PHIP: variants seen among roughly 807,000 people sequenced by gnomAD.
The protein encoded by PHIP is PHIP subunit of CUL4-Ring ligase complex.
A neutral mutation model predicts 236.8 loss-of-function variants in PHIP; 54 were observed. That is an observed-to-expected ratio of 0.23 (90% CI 0.18 to 0.29). PHIP has a LOEUF of 0.29. Among genes scored for constraint, PHIP ranks in the 10% least tolerant of loss-of-function variants. The probability of loss-of-function intolerance (pLI) is 1.00; values close to 1 mark genes in which losing one functional copy is unlikely to be tolerated. For synonymous variants in PHIP, 756 were observed against 718.9 expected (o/e 1.05, Z -0.83); for missense variants, 1,370 against 2,190.8 (o/e 0.63, Z 7.48).
chr6:78,953,042 G>GTT (rs893706696), intron 35 of PHIP, among the ~76,000 whole-genome samples: 1 of 143,874 alleles, frequency 7.0e-6, no homozygotes, highest in Admixed American at 6.9e-5. Context: ...TATAGGTGTT[G>GTT]TTTTTTTTTT....
chr6:79,070,142 A>T (rs1773811315), intron 4 of PHIP, among the ~76,000 whole-genome samples: 1 of 152,222 alleles, frequency 6.6e-6, no homozygotes. Flanking sequence ...CAACAAAATG[A>T]CAACATTTAA....
Position 79,001,940 on chromosome 6 carries a change from C to G in PHIP, c.1838G>C (p.Arg613Thr). The change falls in exon 17 of 40, where the codon AGG becomes ACG. Residue 613 changes from arginine (R) to threonine (T), a missense_variant. Arg to Thr is a moderately conservative substitution (Grantham distance 71). This residue lies in a region of PHIP where 133 missense variants were observed against 245.2 expected (regional missense o/e 0.54). Transcript: ENST00000275034. ...CATCTGAGGGATGAGTTGCTCCTCCCTGCAATTTTCACGGCCAGGAACTAA... is the reference window on the plus strand; with the variant it reads ...CATCTGAGGGATGAGTTGCTCCTCCGTGCAATTTTCACGGCCAGGAACTAA... Reference protein sequence around the residue: ...QRLVPGRENCREEQLIPQMGV... With the variant: ...QRLVPGRENCTEEQLIPQMGV... 2 of 1,613,084 alleles carry G rather than the reference C, an allele frequency of 1.2e-6. No homozygotes were observed. The highest frequency in any genetic ancestry group is 8.5e-7 in the Non-Finnish European group (1 of 1,179,342).
At chr6:79,069,949 T>C (rs957349483) in intron 4 of PHIP, among the ~76,000 whole-genome samples, 14 of 152,038 alleles carry the variant, frequency 9.2e-5, no homozygotes, top group African/African-American at 3.4e-4. Context: ...CAACACAAAT[T>C]TGTCATTTAA....
intron 19 of PHIP, among the ~76,000 whole-genome samples, chr6:78,992,247 G>C (rs945248168): frequency 2.0e-5 from 3 of 152,036 alleles, no homozygotes; most frequent in African/African-American, 7.2e-5. Flanking sequence ...ACAGGTGTGA[G>C]CCACCGCGCC....
chr6:79,026,257 G>T, intron 7 of PHIP, 93 bp from the exon 8 acceptor site: 1 of 890,654 alleles, frequency 1.1e-6, no homozygotes, highest in Non-Finnish European at 1.8e-6. Context: ...GTCCACTTCT[G>T]AACAAGTATA....
intron 23 of PHIP, among the ~76,000 whole-genome samples, chr6:78,981,032 T>C (rs180826308): frequency 1.6e-4 from 25 of 152,164 alleles, no homozygotes; most frequent in African/African-American, 6.0e-4. Flanking sequence ...TATGAGGACA[T>C]ATCTTATTCC....
intron 4 of PHIP, among the ~76,000 whole-genome samples, chr6:79,069,849 A>C (rs1395390666): frequency 6.6e-6 from 1 of 151,872 alleles, no homozygotes; most frequent in Non-Finnish European, 1.5e-5. Flanking sequence ...TGAATAAACA[A>C]GCTTCAAAGA....
At chr6:78,965,148 C>A (rs1170999394) in intron 29 of PHIP, among the ~76,000 whole-genome samples, 1 of 152,156 alleles carries the variant, frequency 6.6e-6, no homozygotes, top group Admixed American at 6.5e-5. Flanking sequence ...CTTCATTGAG[C>A]TCTTATATGT....
rs1385966846 is a variant in PHIP, at chr6:79,015,787, A to C, written c.1236-4T>G. On this transcript the variant is annotated splice_region_variant and splice_polypyrimidine_tract_variant and intron_variant, in intron 13 of 39. Coordinates refer to ENST00000275034, the MANE Select transcript of PHIP (RefSeq NM_017934.7). ...TTCTATTCCTTGAAGGTTTTGGCTGAAAGTGAGGAAGTGTTTTACACTGAC... is the reference window on the plus strand; with the variant it reads ...TTCTATTCCTTGAAGGTTTTGGCTGCAAGTGAGGAAGTGTTTTACACTGAC... The C allele has an allele frequency of 1.2e-6, 2 of 1,605,446 alleles. No homozygotes were observed. Among genetic ancestry groups the C allele is most frequent in the South Asian group, 2.2e-5 (2 of 89,626 alleles).
intron 6 of PHIP, among the ~76,000 whole-genome samples, chr6:79,059,591 TTATA>T (rs72226338): frequency 0.13 from 11,186 of 84,666 alleles, 713 homozygotes; most frequent in Middle Eastern, 0.22. Flanking sequence ...GAAAGCAAAA[TTATA>T]TATATATATA....
chr6:79,058,031 A>G (rs1225005662), intron 6 of PHIP, among the ~76,000 whole-genome samples: 4 of 152,158 alleles, frequency 2.6e-5, no homozygotes, highest in Non-Finnish European at 5.9e-5. Context: ...ATGTAAATAC[A>G]ATTTTTAAAA....
intron 27 of PHIP, among the ~76,000 whole-genome samples, chr6:78,967,286 A>C (rs1332971310): frequency 6.6e-6 from 1 of 152,202 alleles, no homozygotes; most frequent in African/African-American, 2.4e-5. Context: ...AGTGACACTT[A>C]ACAAAAAGCT....
chr6:78,978,512 CAGA>C, intron 24 of PHIP, 77 bp downstream of exon 24: 1 of 1,154,234 alleles, frequency 8.7e-7, no homozygotes, highest in Non-Finnish European at 1.2e-6. Flanking sequence ...TTCTATTTTC[CAGA>C]AGTCTATTTC....
chr6:78,993,975 T>C (rs1033298879), intron 19 of PHIP, among the ~76,000 whole-genome samples: 2 of 152,220 alleles, frequency 1.3e-5, no homozygotes, highest in African/African-American at 4.8e-5. Context: ...TAAGAACATT[T>C]ATGATTCATG....
chr6:78,946,243 C>T lies in PHIP; in HGVS notation c.4388G>A (p.Arg1463Lys), dbSNP rs750568166. The T allele has an allele frequency of 5.0e-6, 8 of 1,612,660 alleles. No homozygotes were observed. Among genetic ancestry groups the T allele is most frequent in the African/African-American group, 1.3e-5 (1 of 74,778 alleles). The change falls in exon 38 of 40, where the codon AGG (arginine) becomes AAG (lysine). Residue 1463 changes from arginine (R) to lysine (K), a missense_variant. By Grantham distance (26) the Arg-to-Lys change is conservative. Coordinates refer to ENST00000275034, the MANE Select transcript of PHIP (RefSeq NM_017934.7). Reference sequence around the variant, plus strand: ...TGATTTTAGCTGGGGTTTTAAGATCCTTTTTTTCCTTTCAGGGCTGTAAAT... The same window carrying T: ...TGATTTTAGCTGGGGTTTTAAGATCTTTTTTTTCCTTTCAGGGCTGTAAAT... Reference protein sequence around the residue: ...SAASSPERKKRILKPQLKSES... With the variant: ...SAASSPERKKKILKPQLKSES...
At chr6:78,955,115 G>A in intron 34 of PHIP, 117 bp downstream of exon 34, 2 of 888,134 alleles carry the variant, frequency 2.3e-6, no homozygotes, top group Non-Finnish European at 3.3e-6. Context: ...TTTTGTAATT[G>A]AAACTAATTT....
intron 18 of PHIP, among the ~76,000 whole-genome samples, chr6:78,997,916 A>T (rs1323877030): frequency 6.6e-6 from 1 of 152,228 alleles, no homozygotes; most frequent in Non-Finnish European, 1.5e-5. Flanking sequence ...ACCCAAGAGT[A>T]TTAATGGTTC....
In PHIP at chr6:78,988,198, T is replaced by C; in HGVS notation, c.2460+11A>G. On this transcript the variant is annotated intron_variant, in intron 21 of 39. Transcript: ENST00000275034. Reference sequence around the variant, plus strand: ...AATGACATCTAATTTATGAATGTGCTGATATCTTACATCTGAAGAACTACT... The same window carrying C: ...AATGACATCTAATTTATGAATGTGCCGATATCTTACATCTGAAGAACTACT... 1 of 1,541,804 alleles carries C rather than the reference T, an allele frequency of 6.5e-7. No individual in the cohort carries two copies. Among genetic ancestry groups the C allele is most frequent in the Non-Finnish European group, 8.7e-7 (1 of 1,144,258 alleles).
At chr6:79,059,801 G>C (rs1309612957) in intron 6 of PHIP, among the ~76,000 whole-genome samples, 2 of 151,548 alleles carry the variant, frequency 1.3e-5, no homozygotes, top group Non-Finnish European at 2.9e-5. Flanking sequence ...TGAAAATTAG[G>C]AGTACACTTA....
Sources: gnomAD v4.1 joint callset for allele counts (sites outside exome capture counted in the v4.1 genomes callset) on GRCh38, gnomAD v4.1.1 for gene constraint, gnomAD v4.1.1 regional missense constraint, MANE v1.5 for transcripts, NCBI Gene and HGNC (gene_info 2026-07-23, HGNC 2026-07-21) for gene names.